Variants in LAMA2 observed in about 807,000 individuals in gnomAD.
LAMA2 encodes laminin subunit alpha-2.
A neutral mutation model predicts 364.8 loss-of-function variants in LAMA2; 269 were observed. That is an observed-to-expected ratio of 0.74 (90% CI 0.67 to 0.82). LAMA2 has a LOEUF of 0.82. Among genes scored for constraint, LAMA2 ranks in the 40% least tolerant of loss-of-function variants. The probability of loss-of-function intolerance (pLI) is 0.00; values close to 1 mark genes in which losing one functional copy is unlikely to be tolerated. For missense variants in LAMA2, 3,807 were observed against 3,873.2 expected, an observed-to-expected ratio of 0.98 and a Z score of 0.45; for synonymous variants, 1,379 against 1,370.6, an observed-to-expected ratio of 1.01 and a Z score of -0.14.
rs368896579 is a variant in LAMA2, at chr6:129,514,444, G to C, written c.9060G>C (p.Leu3020Phe). Residue 3020 changes from leucine to phenylalanine, a missense_variant, in exon 64 of 65, where the codon TTG becomes TTC. By Grantham distance (22) the Leu-to-Phe change is conservative. Around this residue, in one of 3 missense-constraint regions of LAMA2, gnomAD observed 3,333 missense variants for 3,345.7 expected, o/e 1.00. Transcript: ENST00000421865. ...AVYDAGVPGH[L>F]CDGQWHKVTA... ...ATGATGCTGGGGTTCCAGGGCATTT[G>C]TGTGATGGACAATGGCATAAAGTCA... 4 of 1,614,038 alleles carry C rather than the reference G, an allele frequency of 2.5e-6. No individual in the cohort carries two copies. In the Admixed American group the frequency reaches 5.0e-5, roughly 20 times the overall value.
intron 1 of LAMA2, among the ~76,000 whole-genome samples, chr6:129,049,202 C>T (rs555764479): frequency 1.9e-4 from 29 of 152,118 alleles, no homozygotes; most frequent in African/African-American, 6.7e-4. Flanking sequence ...ATTTGGTTCT[C>T]AGAGGGAATA....
At chr6:129,404,028 G>C in intron 40 of LAMA2, 69 bp downstream of exon 40, 1 of 1,555,890 alleles carries the variant, frequency 6.4e-7, no homozygotes, top group South Asian at 1.1e-5. Context: ...ATGTAAGTCA[G>C]TCTGGAAAAT....
intron 1 of LAMA2, among the ~76,000 whole-genome samples, chr6:129,024,382 C>CTTTTTTTTT (rs202105513): frequency 2.6e-5 from 3 of 116,792 alleles, no homozygotes; most frequent in African/African-American, 5.7e-5. Context: ...TCTTTTCTTT[C>CTTTTTTTTT]TTTTTTTTTT....
rs181905160 is a variant in LAMA2, at chr6:128,972,074, T to C, written c.113-77844T>C. On this transcript the variant is annotated intron_variant, in intron 1 of 64. Coordinates refer to ENST00000421865, the MANE Select transcript of LAMA2 (RefSeq NM_000426.4). ...ATATACATGCTAGGTGCATAGAATG[T>C]TAGGTGTGAGAGGGGAGACCAGCCT... Among the ~76,000 whole-genome samples, 950 of 152,302 alleles carry C rather than the reference T, an allele frequency of 6.2e-3. 12 individuals carry two copies. Among genetic ancestry groups the C allele is most frequent in the African/African-American group, 0.021 (893 of 41,552 alleles).
chr6:129,151,780 C>G (rs1346441384), intron 7 of LAMA2, among the ~76,000 whole-genome samples: 1 of 152,074 alleles, frequency 6.6e-6, no homozygotes, highest in African/African-American at 2.4e-5. Flanking sequence ...GGGAGCTGCC[C>G]CCTTGATCCA....
chr6:129,221,333 AAAGCTTT>A (rs1783832861), intron 12 of LAMA2, among the ~76,000 whole-genome samples: 1 of 149,092 alleles, frequency 6.7e-6, no homozygotes, highest in African/African-American at 2.5e-5. Flanking sequence ...TATAATTGAG[AAAGCTTT>A]AGTATCAAGC....
chr6:129,298,499 A>G (rs922381052), intron 21 of LAMA2, among the ~76,000 whole-genome samples: 6 of 152,328 alleles, frequency 3.9e-5, no homozygotes, highest in Middle Eastern at 3.4e-3. Flanking sequence ...AATATCACTT[A>G]GCATTCTGCA....
chr6:129,220,239 C>T (rs991828127), intron 12 of LAMA2, among the ~76,000 whole-genome samples: 9 of 152,104 alleles, frequency 5.9e-5, no homozygotes, highest in African/African-American at 2.2e-4. Context: ...AAATACATGA[C>T]TTAATATATT....
intron 1 of LAMA2, among the ~76,000 whole-genome samples, chr6:129,047,086 A>G (rs1787568404): frequency 6.6e-6 from 1 of 152,244 alleles, no homozygotes; most frequent in African/African-American, 2.4e-5. Context: ...AATGTCTAAG[A>G]TAGATAATGG....
intron 12 of LAMA2, among the ~76,000 whole-genome samples, chr6:129,195,568 A>AT (rs1349992773): frequency 6.6e-6 from 1 of 152,108 alleles, no homozygotes; most frequent in Non-Finnish European, 1.5e-5. Context: ...TGTTCCTCCA[A>AT]TTTTTTCCCC....
At chr6:129,208,010 G>A (rs547374760) in intron 12 of LAMA2, among the ~76,000 whole-genome samples, 3 of 152,198 alleles carry the variant, frequency 2.0e-5, no homozygotes, top group Non-Finnish European at 4.4e-5. Flanking sequence ...TTTGTCACCA[G>A]AGTGAACAAA....
At chr6:129,146,915 T>G in intron 5 of LAMA2, 44 bp from the exon 6 acceptor site, 1 of 1,164,286 alleles carries the variant, frequency 8.6e-7, no homozygotes, top group Non-Finnish European at 1.3e-6. Context: ...ACTTTGACCT[T>G]GCAGTCATCT....
intron 3 of LAMA2, among the ~76,000 whole-genome samples, chr6:129,092,825 G>A (rs936972475): frequency 1.1e-4 from 16 of 152,038 alleles, no homozygotes; most frequent in African/African-American, 3.6e-4. Context: ...TATTTTTTAC[G>A]GCTTTTGTGG....
intron 32 of LAMA2, among the ~76,000 whole-genome samples, chr6:129,361,148 G>T (rs914452277): frequency 2.0e-5 from 3 of 152,144 alleles, no homozygotes; most frequent in Non-Finnish European, 4.4e-5. Context: ...GGTGAAAAAA[G>T]AGCAAATTGC....
chr6:129,108,936 A>G (rs996431021), intron 4 of LAMA2, among the ~76,000 whole-genome samples: 38 of 152,180 alleles, frequency 2.5e-4, no homozygotes, highest in African/African-American at 8.4e-4. Flanking sequence ...TAAGGATCAC[A>G]TTACAGGAGA....
At chr6:129,162,091 T>C in intron 8 of LAMA2, among the ~76,000 whole-genome samples, 1 of 152,214 alleles carries the variant, frequency 6.6e-6, no homozygotes. Context: ...CTTCCCACAG[T>C]GTCTGAACTA....
intron 3 of LAMA2, among the ~76,000 whole-genome samples, chr6:129,062,920 T>TG (rs1435072493): frequency 6.6e-6 from 1 of 151,644 alleles, no homozygotes; most frequent in Non-Finnish European, 1.5e-5. Flanking sequence ...GGGTTTTTTT[T>TG]TTTTTTTTTT....
At chr6:129,272,961 A>G (rs1788048253) in intron 17 of LAMA2, among the ~76,000 whole-genome samples, 1 of 152,124 alleles carries the variant, frequency 6.6e-6, no homozygotes, top group Non-Finnish European at 1.5e-5. Context: ...TGGTGCCAAA[A>G]ATTTTGGGGA....
rs540212285 is a variant in LAMA2, at chr6:128,953,146, G to A, written c.112+69789G>A. Among the ~76,000 whole-genome samples the A allele has an allele frequency of 1.0e-3, 153 of 152,296 alleles. No homozygotes were observed. The Middle Eastern group carries it at 0.017, about 17-fold the overall frequency. On this transcript the variant is annotated intron_variant, in intron 1 of 64. Coordinates refer to ENST00000421865, the MANE Select transcript of LAMA2 (RefSeq NM_000426.4). ...TCACATTTCCATAAATATCAGAGAA[G>A]TGGTATTGCCTGATATGTATTTCAT...
Sources: gnomAD v4.1 joint callset for allele counts (sites outside exome capture counted in the v4.1 genomes callset) on GRCh38, gnomAD v4.1.1 for gene constraint, gnomAD v4.1.1 regional missense constraint, MANE v1.5 for transcripts, NCBI Gene and HGNC (gene_info 2026-07-23, HGNC 2026-07-21) for gene names.